Variants in PHKG2 observed in about 807,000 individuals in gnomAD.
The protein encoded by PHKG2 is phosphorylase b kinase gamma catalytic chain, liver/testis isoform.
A neutral mutation model predicts 44.5 loss-of-function variants in PHKG2; 28 were observed. The observed-to-expected ratio is 0.63, with a 90% CI of 0.47 to 0.86. The LOEUF (loss-of-function observed/expected upper bound fraction) is 0.86, where lower values mean the gene tolerates loss of function less well. Ranked by LOEUF, PHKG2 falls within the 40% of genes least tolerant of loss-of-function variation. The probability of loss-of-function intolerance (pLI) is 0.00; values close to 1 mark genes in which losing one functional copy is unlikely to be tolerated. For missense variants in PHKG2, 498 were observed against 547.5 expected (o/e 0.91, Z 0.90); for synonymous variants, 220 against 211.2 (o/e 1.04, Z -0.36).
rs2053558290 is a variant in PHKG2, at chr16:30,759,018, C to G, written c.*1921C>G. On this transcript the variant is annotated 3_prime_UTR_variant, in exon 10 of 10. Coordinates refer to ENST00000563588, the MANE Select transcript of PHKG2 (RefSeq NM_000294.3). Reference sequence around the variant, plus strand: ...GCCCTCTCCAGATCCTCACTTGGCTCTGGCTCTGGTGGGGCCACTGTCTCT... The same window carrying G: ...GCCCTCTCCAGATCCTCACTTGGCTGTGGCTCTGGTGGGGCCACTGTCTCT... 1 of 1,614,226 alleles carries G rather than the reference C, an allele frequency of 6.2e-7. No individual in the cohort carries two copies. The highest frequency in any genetic ancestry group is 1.7e-5 in the Admixed American group (1 of 60,034).
In PHKG2 at chr16:30,756,477, G is replaced by C; in HGVS notation, c.758G>C (p.Ser253Thr). 1 of 1,613,596 alleles carries C rather than the reference G, an allele frequency of 6.2e-7. No homozygotes were observed. The highest frequency in any genetic ancestry group is 1.1e-5 in the South Asian group (1 of 91,084). ...RMIMEGQYQF[S>T]SPEWDDRSST... Reference sequence around the variant, plus strand: ...ATCATGGAGGGCCAGTACCAGTTCAGTTCCCCCGAGTGGGATGACCGTTCC... The same window carrying C: ...ATCATGGAGGGCCAGTACCAGTTCACTTCCCCCGAGTGGGATGACCGTTCC... Residue 253 changes from serine (S) to threonine (T), a missense_variant, in exon 8 of 10, where the codon AGT becomes ACT. By Grantham distance (58) the Ser-to-Thr change is moderately conservative. Transcript: ENST00000563588.
Position 30,761,033 on chromosome 16 carries a change from T to C in PHKG2, c.*3936T>C. ...TTTTTTTCTCACACTGCCTCCTCTT[T>C]GGACTGGAGAGGCTGGAAAGCCAAC... On this transcript the variant is annotated 3_prime_UTR_variant, in exon 10 of 10. Coordinates refer to ENST00000563588, the MANE Select transcript of PHKG2 (RefSeq NM_000294.3). 3 of 717,470 alleles carry C rather than the reference T, an allele frequency of 4.2e-6. No individual in the cohort carries two copies. The highest frequency in any genetic ancestry group is 1.9e-5 in the South Asian group (1 of 53,754). The allele number at this position is 717,470 out of a possible 1,614,324, so 44.4% of individuals were successfully genotyped here. A position where few individuals can be genotyped will look rare whatever the true frequency, so the allele number is the denominator to read the frequency against.
intron 1 of PHKG2, 30 bp from the exon 2 acceptor site, chr16:30,748,773 C>G (rs750670517): frequency 2.8e-6 from 4 of 1,422,444 alleles, no homozygotes; most frequent in Non-Finnish European, 2.9e-6. Flanking sequence ...GTGGGCCTCC[C>G]TGCCCTCACT....
intron 2 of PHKG2, 57 bp from the exon 3 acceptor site, chr16:30,751,049 C>A: frequency 6.4e-7 from 1 of 1,571,470 alleles, no homozygotes; most frequent in Non-Finnish European, 8.7e-7. Flanking sequence ...AGGCCCCAGC[C>A]TGTGCGGAAA....
At chr16:30,751,493 A>G (rs2053343198) in intron 3 of PHKG2, 56 bp from the exon 4 acceptor site, 2 of 1,516,510 alleles carry the variant, frequency 1.3e-6, no homozygotes, top group African/African-American at 2.7e-5. Context: ...AGCCCCGTTA[A>G]TGTGCATCCA....
Position 30,749,745 on chromosome 16 carries a change from T to C in PHKG2, c.95+830T>C, listed in dbSNP as rs368292429. Among the ~76,000 whole-genome samples the C allele has an allele frequency of 3.2e-4, 49 of 152,306 alleles. 1 individual carries two copies. The highest frequency in any genetic ancestry group is 1.2e-3 in the African/African-American group (48 of 41,552). On this transcript the variant is annotated intron_variant, in intron 2 of 9. Transcript: ENST00000563588. ...CCCCATTTTTTCACGGATTCATTCA[T>C]TTATGCCTTCAACACAAAGCTCAAC...
In PHKG2 at chr16:30,751,147, C is replaced by G. The variant is rs1484543037; in HGVS notation, c.137C>G (p.Thr46Ser). 1.9e-6 allele frequency: 3 copies of G among 1,614,028 alleles called. No individual in the cohort carries two copies. The highest frequency in any genetic ancestry group is 2.5e-6 in the Non-Finnish European group (3 of 1,180,040). The change falls in exon 3 of 10, where the codon ACT (threonine) becomes AGT (serine). Residue 46 changes from threonine (T) to serine (S), a missense_variant. Physicochemically the swap from Thr to Ser is moderately conservative, Grantham distance 58. Transcript: ENST00000563588. ...SVVRRCVHRA[T>S]GHEFAVKIME... ...GTCCGCCGTTGTGTTCATCGAGCTACTGGCCACGAGTTTGCGGTGAAGATT... is the reference window on the plus strand; with the variant it reads ...GTCCGCCGTTGTGTTCATCGAGCTAGTGGCCACGAGTTTGCGGTGAAGATT...
In PHKG2 at chr16:30,759,216, C is replaced by T; in HGVS notation, c.*2119C>T. On this transcript the variant is annotated 3_prime_UTR_variant, in exon 10 of 10. Transcript: ENST00000563588. ...TGGCCACAGTTTGGGTGGCTGTAGC[C>T]CCATGTAAGTCAAAGACAGATCCAG... The T allele has an allele frequency of 6.2e-7, 1 of 1,614,146 alleles. No homozygotes were observed. The highest frequency in any genetic ancestry group is 8.5e-7 in the Non-Finnish European group (1 of 1,180,032).
At chr16:30,754,375 A>G (rs2053389513) in intron 6 of PHKG2, among the ~76,000 whole-genome samples, 1 of 152,136 alleles carries the variant, frequency 6.6e-6, no homozygotes, top group South Asian at 2.1e-4. Flanking sequence ...AATGTTGGCC[A>G]GGCTGGTCTT....
chr16:30,749,792 C>T (rs1462575573), intron 2 of PHKG2, among the ~76,000 whole-genome samples: 1 of 152,100 alleles, frequency 6.6e-6, no homozygotes, highest in African/African-American at 2.4e-5. Flanking sequence ...AGAAAAGATG[C>T]GTATGCCCTG....
At position 30,758,819 on chromosome 16, in the gene PHKG2, G is replaced by A; in HGVS notation, c.*1722G>A. 2.2e-6 allele frequency: 2 copies of A among 926,312 alleles called. No homozygotes were observed. 57.4% of individuals were successfully genotyped at this position (926,312 alleles called of 1,614,324 possible). On this transcript the variant is annotated 3_prime_UTR_variant, in exon 10 of 10. Coordinates refer to ENST00000563588, the MANE Select transcript of PHKG2 (RefSeq NM_000294.3). ...ATCCGCCTGCCTCAGATTGTGCTGG[G>A]ATTACAGGTGTGAGCCACCACGCCT...
Position 30,757,408 on chromosome 16 carries a change from A to T in PHKG2, c.*311A>T. The T allele has an allele frequency of 6.4e-7, 1 of 1,556,984 alleles. No homozygotes were observed. The highest frequency in any genetic ancestry group is 1.2e-5 in the South Asian group (1 of 81,382). Reference sequence around the variant, plus strand: ...TCTGGCTTGGGCAGGAAAGCCCAGAAGGTGCTCAGCAGGGTGCAGGGATGG... The same window carrying T: ...TCTGGCTTGGGCAGGAAAGCCCAGATGGTGCTCAGCAGGGTGCAGGGATGG... On this transcript the variant is annotated 3_prime_UTR_variant, in exon 10 of 10. Coordinates refer to ENST00000563588, the MANE Select transcript of PHKG2 (RefSeq NM_000294.3).
intron 2 of PHKG2, among the ~76,000 whole-genome samples, chr16:30,749,118 C>CTGGTGGTGG (rs1168153773): frequency 1.6e-4 from 1 of 6,074 alleles, no homozygotes; most frequent in South Asian, 6.4e-3. Flanking sequence ...GCTGGTGGTG[C>CTGGTGGTGG]TGGTGCTGGT....
Position 30,757,330 on chromosome 16 carries a change from G to A in PHKG2, c.*233G>A. 2 of 1,529,496 alleles carry A rather than the reference G, an allele frequency of 1.3e-6. No individual in the cohort carries two copies. Among genetic ancestry groups the A allele is most frequent in the Non-Finnish European group, 1.7e-6 (2 of 1,143,618 alleles). 94.7% of individuals were successfully genotyped at this position (1,529,496 alleles called of 1,614,324 possible). A position where few individuals can be genotyped will look rare whatever the true frequency, so the allele number is the denominator to read the frequency against. Reference sequence around the variant, plus strand: ...TGGCCCGGTCAGTGCTGCATGCACTGCATATGAAATAAAATCTGCTACACG... The same window carrying A: ...TGGCCCGGTCAGTGCTGCATGCACTACATATGAAATAAAATCTGCTACACG... On this transcript the variant is annotated 3_prime_UTR_variant, in exon 10 of 10. Coordinates refer to ENST00000563588, the MANE Select transcript of PHKG2 (RefSeq NM_000294.3).
At position 30,751,023 on chromosome 16, in the gene PHKG2, G is replaced by A. The variant is rs190100122; in HGVS notation, c.96-83G>A. On this transcript the variant is annotated intron_variant, in intron 2 of 9. Coordinates refer to ENST00000563588, the MANE Select transcript of PHKG2 (RefSeq NM_000294.3). ...ATGGGTCTTCAGAGTCTGGCACAGC[G>A]GGCATGAGGATGCTGAGGCCCCAGC... is the stretch of plus-strand genomic sequence containing the variant. 1.2e-4 allele frequency: 165 copies of A among 1,402,872 alleles called. 2 individuals are homozygous for A. The Admixed American group carries it at 1.8e-3, about 15-fold the overall frequency. The allele number at this position is 1,402,872 out of a possible 1,614,324, so 86.9% of individuals were successfully genotyped here. A position where few individuals can be genotyped will look rare whatever the true frequency, so the allele number is the denominator to read the frequency against.
chr16:30,761,176 A>AT, downstream of PHKG2: 1 of 1,613,236 alleles, frequency 6.2e-7, no homozygotes, highest in Non-Finnish European at 8.5e-7. Context: ...ATTCAGTGTA[A>AT]TTTTTGTCTC....
Position 30,757,145 on chromosome 16 carries a change from G to A in PHKG2, c.*48G>A, listed in dbSNP as rs752489044. 13 of 1,597,078 alleles carry A rather than the reference G, an allele frequency of 8.1e-6. No homozygotes were observed. Among genetic ancestry groups the A allele is most frequent in the Non-Finnish European group, 1.1e-5 (13 of 1,176,158 alleles). On this transcript the variant is annotated 3_prime_UTR_variant, in exon 10 of 10. Transcript: ENST00000563588. The stretch of plus-strand genomic sequence containing the variant: ...AGGAAGCAGAACTCTCCAGAAGAAG[G>A]GTTTTGATCATTCCAGCTCCTCTGG...
Position 30,761,175 on chromosome 16 carries a change from A to C in PHKG2, c.*4078A>C. The C allele has an allele frequency of 6.2e-7, 1 of 1,612,906 alleles. No individual in the cohort carries two copies. The highest frequency in any genetic ancestry group is 8.5e-7 in the Non-Finnish European group (1 of 1,179,276). On this transcript the variant is annotated 3_prime_UTR_variant, in exon 10 of 10. Transcript: ENST00000563588. ...AATAAAGAACGCAAATATTCAGTGT[A>C]ATTTTTGTCTCTTCACACTCACCAC...
At position 30,759,322 on chromosome 16, in the gene PHKG2, C is replaced by T. The variant is rs1434291841; in HGVS notation, c.*2225C>T. On this transcript the variant is annotated 3_prime_UTR_variant, in exon 10 of 10. Transcript: ENST00000563588. ...GGAGGGGCGGTTGAGGGTGGCTCCT[C>T]ATGGTCCACCACCCCCTACCTGGGG... 1.9e-6 allele frequency: 3 copies of T among 1,612,628 alleles called. No individual in the cohort carries two copies. The highest frequency in any genetic ancestry group is 4.5e-5 in the East Asian group (2 of 44,864).
Sources: allele counts gnomAD v4.1 joint callset (sites outside exome capture counted in the v4.1 genomes callset), GRCh38; gene constraint gnomAD v4.1.1; transcripts MANE v1.5; gene names NCBI Gene and HGNC (gene_info 2026-07-23, HGNC 2026-07-21).